The following TMEM108 variants were observed in gnomAD, a reference collection of about 807,000 sequenced individuals.
The protein encoded by TMEM108 is transmembrane protein 108, also known as cancer/testis antigen 124.
Under a neutral mutation model 35.1 loss-of-function variants are expected in TMEM108, and 12 were observed. That is an observed-to-expected ratio of 0.34 (90% confidence interval 0.22 to 0.55). The LOEUF (loss-of-function observed/expected upper bound fraction) is 0.55, where lower values mean the gene tolerates loss of function less well. TMEM108 is among the 20% of genes least tolerant of loss of function. TMEM108 has a pLI of 0.89. For synonymous variants in TMEM108, 287 were observed against 308.6 expected, an observed-to-expected ratio of 0.93 and a Z score of 0.73; for missense variants, 680 against 753.3, an observed-to-expected ratio of 0.90 and a Z score of 1.14.
At chr3:133,107,455 G>GGTGTGTAT (rs1944166595) in intron 2 of TMEM108, among the ~76,000 whole-genome samples, 1 of 143,502 alleles carries the variant, frequency 7.0e-6, no homozygotes, top group Non-Finnish European at 1.5e-5. Flanking sequence ...AAGTGTATGT[G>GGTGTGTAT]GTGTGTGTGT....
intron 2 of TMEM108, among the ~76,000 whole-genome samples, chr3:133,091,303 G>A (rs1943944338): frequency 6.6e-6 from 1 of 152,082 alleles, no homozygotes; most frequent in South Asian, 2.1e-4. Context: ...GGGATCTTCT[G>A]TTCAGGTAGG....
In TMEM108 at chr3:133,238,668, G is replaced by T. The variant is rs72976149; in HGVS notation, c.40+9317G>T. Among the ~76,000 whole-genome samples the T allele has an allele frequency of 5.6e-3, 854 of 152,284 alleles. 14 individuals carry two copies. Among genetic ancestry groups the T allele is most frequent in the African/African-American group, 0.02 (819 of 41,546 alleles). On this transcript the variant is annotated intron_variant, in intron 3 of 5. Transcript: ENST00000321871. ...CAGAAACTAGAGAGAGATTCAAGGA[G>T]CTGGGTCATCTCTAGCTGAAGCTGG...
chr3:133,063,840 G>T (rs1432545249), intron 2 of TMEM108, among the ~76,000 whole-genome samples: 1 of 152,122 alleles, frequency 6.6e-6, no homozygotes, highest in Non-Finnish European at 1.5e-5. Flanking sequence ...CAGAGGAGGG[G>T]CTGCCTTGAG....
intron 2 of TMEM108, among the ~76,000 whole-genome samples, chr3:133,123,814 C>T (rs1232030817): frequency 2.6e-5 from 4 of 152,172 alleles, no homozygotes; most frequent in East Asian, 1.9e-4. Context: ...GTTCTGTTGT[C>T]GGCCTAAATT....
At chr3:133,271,751 C>T (rs1946774096) in intron 3 of TMEM108, among the ~76,000 whole-genome samples, 1 of 152,122 alleles carries the variant, frequency 6.6e-6, no homozygotes, top group Non-Finnish European at 1.5e-5. Flanking sequence ...TGAGCCAGCC[C>T]CACCTAGAAG....
intron 3 of TMEM108, among the ~76,000 whole-genome samples, chr3:133,329,521 T>C (rs2071368994): frequency 6.6e-6 from 1 of 152,176 alleles, no homozygotes; most frequent in African/African-American, 2.4e-5. Flanking sequence ...GGGGAAATCC[T>C]GGGAGTGGAA....
chr3:133,116,754 C>G (rs1160300790), intron 2 of TMEM108, among the ~76,000 whole-genome samples: 2 of 152,084 alleles, frequency 1.3e-5, no homozygotes, highest in Non-Finnish European at 2.9e-5. Context: ...GAAAATATAT[C>G]TGTATTTTGA....
chr3:133,159,162 T>C (rs1944924766), intron 2 of TMEM108, among the ~76,000 whole-genome samples: 1 of 152,228 alleles, frequency 6.6e-6, no homozygotes, highest in African/African-American at 2.4e-5. Context: ...TTCCCCACTA[T>C]TGTAAGGAAG....
rs371623398 is a variant in TMEM108 at position 133,073,484 on chromosome 3, T to TTC, written c.-47+27490_-47+27491dup. ...TTTTTTAAGGCTGAATAGTATTCTA[T>TTC]TCTCTCTCTCTCTCTCTCTCTCTCT... On this transcript the variant is annotated intron_variant, in intron 2 of 5. Coordinates refer to ENST00000321871, the MANE Select transcript of TMEM108 (RefSeq NM_023943.4). Among the ~76,000 whole-genome samples the TTC allele has an allele frequency of 9.6e-3, 532 of 55,586 alleles. 14 individuals are homozygous for TTC. Among genetic ancestry groups the TTC allele is most frequent in the African/African-American group, 0.028 (256 of 9,144 alleles). 36.5% of individuals were successfully genotyped at this position (55,586 alleles called of 152,430 possible). A position where few individuals can be genotyped will look rare whatever the true frequency, so the allele number is the denominator to read the frequency against.
In TMEM108 at chr3:133,261,718, A is replaced by G. The variant is rs115874669; in HGVS notation, c.40+32367A>G. 4.5e-3 allele frequency among the ~76,000 whole-genome samples: 681 copies of G among 152,358 alleles called. 8 individuals carry two copies. Among genetic ancestry groups the G allele is most frequent in the African/African-American group, 0.016 (645 of 41,580 alleles). On this transcript the variant is annotated intron_variant, in intron 3 of 5. Coordinates refer to ENST00000321871, the MANE Select transcript of TMEM108 (RefSeq NM_023943.4). ...GGTTTGAAGCCCAAACATTTTAATGAAGCCATAAATCAAGAAGCCATGGTG... is the reference window on the plus strand; with the variant it reads ...GGTTTGAAGCCCAAACATTTTAATGGAGCCATAAATCAAGAAGCCATGGTG...
At chr3:133,180,778 TA>T (rs1347067350) in intron 2 of TMEM108, among the ~76,000 whole-genome samples, 1 of 152,096 alleles carries the variant, frequency 6.6e-6, no homozygotes, top group Admixed American at 6.6e-5. Context: ...TCAACATTTA[TA>T]AATTCTCATT....
At chr3:133,214,347 C>A (rs1309498757) in intron 2 of TMEM108, among the ~76,000 whole-genome samples, 4 of 152,154 alleles carry the variant, frequency 2.6e-5, no homozygotes, top group Admixed American at 2.6e-4. Flanking sequence ...CTTTCTCAAT[C>A]TCCTCACAAA....
chr3:133,155,039 T>C (rs544135638), intron 2 of TMEM108, among the ~76,000 whole-genome samples: 41 of 152,232 alleles, frequency 2.7e-4, no homozygotes, highest in African/African-American at 9.4e-4. Context: ...CCCCAGTGTC[T>C]GTTGTTCCCC....
chr3:133,083,220 C>G (rs933893716), intron 2 of TMEM108, among the ~76,000 whole-genome samples: 10 of 131,520 alleles, frequency 7.6e-5, no homozygotes, highest in African/African-American at 2.5e-4. Context: ...TTGACTGTTT[C>G]CCATGTGATC....
At chr3:133,257,730 A>C (rs1946567684) in intron 3 of TMEM108, among the ~76,000 whole-genome samples, 2 of 152,218 alleles carry the variant, frequency 1.3e-5, no homozygotes, top group Admixed American at 1.3e-4. Flanking sequence ...TCTGGTAGTT[A>C]AGTAGTGTAT....
At chr3:133,308,575 T>C (rs886997392) in intron 3 of TMEM108, among the ~76,000 whole-genome samples, 2 of 151,874 alleles carry the variant, frequency 1.3e-5, no homozygotes, top group African/African-American at 2.4e-5. Context: ...TATGAAGGGC[T>C]GTTGAATTTT....
intron 3 of TMEM108, among the ~76,000 whole-genome samples, chr3:133,322,550 A>AT: frequency 6.6e-6 from 1 of 152,188 alleles, no homozygotes; most frequent in Non-Finnish European, 1.5e-5. Context: ...CAGCAAAAAA[A>AT]TCCAGGACCA....
At chr3:133,217,244 G>A (rs74473541) in intron 2 of TMEM108, among the ~76,000 whole-genome samples, 5,778 of 152,038 alleles carry the variant, frequency 0.038, 337 homozygotes, top group African/African-American at 0.12. Context: ...TTTGAGAAAT[G>A]TCTATTCAGT....
intron 3 of TMEM108, among the ~76,000 whole-genome samples, chr3:133,271,787 C>T (rs1342252133): frequency 1.3e-5 from 2 of 152,152 alleles, no homozygotes; most frequent in Non-Finnish European, 2.9e-5. Context: ...TTAGTCATCT[C>T]ATTTCTCTCT....
Sources: allele counts gnomAD v4.1 joint callset (sites outside exome capture counted in the v4.1 genomes callset), GRCh38; gene constraint gnomAD v4.1.1; transcripts MANE v1.5; gene names NCBI Gene and HGNC (gene_info 2026-07-23, HGNC 2026-07-21).